CWH43: variants seen among roughly 807,000 people sequenced by gnomAD.
CWH43 encodes PGAP2-interacting protein.
In CWH43, 91 loss-of-function variants were observed where a neutral mutation model predicts 85.7. That is an observed-to-expected ratio of 1.06 (90% confidence interval 0.90 to 1.26). The LOEUF (loss-of-function observed/expected upper bound fraction) is 1.26. CWH43 is among the 50% of genes most tolerant of loss of function. The pLI is 0.00. For missense variants in CWH43, 869 were observed against 839.2 expected, an observed-to-expected ratio of 1.04 and a Z score of -0.44; for synonymous variants, 323 against 293.6, an observed-to-expected ratio of 1.10 and a Z score of -1.02.
intron 12 of CWH43, among the ~76,000 whole-genome samples, chr4:49,034,109 C>T (rs572900164): frequency 6.6e-6 from 1 of 152,158 alleles, no homozygotes; most frequent in South Asian, 2.1e-4. Flanking sequence ...CTCTTGCTTA[C>T]CTCCTTAGAA....
intron 9 of CWH43, among the ~76,000 whole-genome samples, chr4:49,018,021 A>G (rs533580335): frequency 6.6e-6 from 1 of 150,832 alleles, no homozygotes; most frequent in South Asian, 2.1e-4. Context: ...TTTGTATTTT[A>G]GTAGAGACGG....
chr4:49,017,420 T>G (rs1171982841), intron 9 of CWH43, 92 bp downstream of exon 9: 2 of 900,480 alleles, frequency 2.2e-6, no homozygotes, highest in Non-Finnish European at 3.4e-6. Flanking sequence ...AACCTGGATC[T>G]GATGACTTCA....
At chr4:48,987,177 T>C (rs1782521038) in intron 1 of CWH43, among the ~76,000 whole-genome samples, 1 of 152,084 alleles carries the variant, frequency 6.6e-6, no homozygotes, top group South Asian at 2.1e-4. Context: ...GGCGCCTTCC[T>C]GAGAACTTGA....
rs147362118 is a variant in CWH43 at position 49,003,799 on chromosome 4, C to G, written c.867C>G (p.Val289=). The G allele has an allele frequency of 6.1e-4, 977 of 1,613,980 alleles. No homozygotes were observed. The highest frequency in any genetic ancestry group is 7.6e-4 in the Non-Finnish European group (895 of 1,179,914). ...HTWAAAVSGC[V]FAIFTASMWP... ...GGGCAGCTGCTGTGTCTGGCTGTGT[C>G]TTCGCCATCTTTACTGCATCCATGT... The change falls in exon 7 of 16, where the codon GTC becomes GTG. Residue 289 remains valine (V), a synonymous_variant. Coordinates refer to ENST00000226432, the MANE Select transcript of CWH43 (RefSeq NM_025087.3).
At chr4:49,054,818 G>C (rs1279623622) in intron 15 of CWH43, among the ~76,000 whole-genome samples, 3 of 151,920 alleles carry the variant, frequency 2.0e-5, no homozygotes, top group African/African-American at 7.3e-5. Flanking sequence ...GTAGTACATA[G>C]AAATGCTACT....
intron 9 of CWH43, among the ~76,000 whole-genome samples, chr4:49,026,858 A>G (rs1161042010): frequency 1.3e-5 from 2 of 152,170 alleles, no homozygotes; most frequent in Non-Finnish European, 2.9e-5. Flanking sequence ...TGTGTGTCCA[A>G]GTGTCTTCTT....
chr4:48,988,437 A>G (rs759318812), intron 1 of CWH43, 40 bp from the exon 2 acceptor site: 1 of 1,476,658 alleles, frequency 6.8e-7, no homozygotes, highest in Non-Finnish European at 9.1e-7. Flanking sequence ...AACAATGTTG[A>G]AGTTACACTT....
intron 9 of CWH43, among the ~76,000 whole-genome samples, chr4:49,025,219 C>T (rs1450103572): frequency 6.6e-6 from 1 of 151,624 alleles, no homozygotes; most frequent in Non-Finnish European, 1.5e-5. Context: ...TTTATTTATC[C>T]TACCTATTTC....
intron 5 of CWH43, among the ~76,000 whole-genome samples, chr4:48,996,570 CAG>C (rs1481374198): frequency 2.0e-5 from 3 of 152,034 alleles, no homozygotes; most frequent in Admixed American, 6.6e-5. Flanking sequence ...AACAAAAGGC[CAG>C]AGAGGAAGGA....
chr4:48,998,449 C>CT lies in CWH43; in HGVS notation c.714-6dup. On this transcript the variant is annotated splice_polypyrimidine_tract_variant and intron_variant, in intron 5 of 15. Coordinates refer to ENST00000226432, the MANE Select transcript of CWH43 (RefSeq NM_025087.3). ...AATGTCACATGTCTTAGAGCATGTCCTTTTTCACAGAGGTGCAGTACTGCT... is the reference window on the plus strand; with the variant it reads ...AATGTCACATGTCTTAGAGCATGTCCTTTTTTCACAGAGGTGCAGTACTGCT... 1 of 1,605,202 alleles carries CT rather than the reference C, an allele frequency of 6.2e-7. No homozygotes were observed. Among genetic ancestry groups the CT allele is most frequent in the Non-Finnish European group, 8.5e-7 (1 of 1,172,110 alleles).
intron 6 of CWH43, 68 bp downstream of exon 6, chr4:48,998,616 G>T: frequency 8.9e-7 from 1 of 1,121,002 alleles, no homozygotes; most frequent in Non-Finnish European, 1.4e-6. Flanking sequence ...GCAAGCATGC[G>T]CAACTCGACT....
chr4:49,017,038 C>T, intron 8 of CWH43: 1 of 753,590 alleles, frequency 1.3e-6, no homozygotes. Flanking sequence ...GGAGAGCAAA[C>T]CACCTCAGCG....
At chr4:49,014,924 G>A (rs1469367036) in intron 8 of CWH43, among the ~76,000 whole-genome samples, 5 of 151,974 alleles carry the variant, frequency 3.3e-5, no homozygotes, top group Non-Finnish European at 7.4e-5. Flanking sequence ...TTCACTTTTA[G>A]CTTTGTACAG....
intron 2 of CWH43, among the ~76,000 whole-genome samples, chr4:48,989,167 C>T (rs1276272700): frequency 6.6e-6 from 1 of 152,058 alleles, no homozygotes; most frequent in Non-Finnish European, 1.5e-5. Context: ...ACCAACAAAT[C>T]AATAGAAAAG....
At chr4:49,021,840 A>G (rs1371276708) in intron 9 of CWH43, among the ~76,000 whole-genome samples, 1 of 151,646 alleles carries the variant, frequency 6.6e-6, no homozygotes, top group African/African-American at 2.4e-5. Flanking sequence ...TGAATTCTTG[A>G]TTTGATTATC....
At chr4:49,018,839 A>G (rs868604472) in intron 9 of CWH43, among the ~76,000 whole-genome samples, 1 of 152,232 alleles carries the variant, frequency 6.6e-6, no homozygotes, top group South Asian at 2.1e-4. Flanking sequence ...TTGTACTTCC[A>G]GTAACTTACA....
chr4:49,023,605 G>T (rs1442026578), intron 9 of CWH43, among the ~76,000 whole-genome samples: 2 of 152,118 alleles, frequency 1.3e-5, no homozygotes, highest in Non-Finnish European at 2.9e-5. Context: ...TTGAACTCCT[G>T]ACCTCAGGTG....
At chr4:49,046,850 C>A (rs1005850038) in intron 14 of CWH43, among the ~76,000 whole-genome samples, 2 of 152,154 alleles carry the variant, frequency 1.3e-5, no homozygotes, top group African/African-American at 4.8e-5. Context: ...AGTTCTTCCA[C>A]AGAGGGAACA....
intron 8 of CWH43, chr4:49,017,044 C>G (rs1175394768): frequency 1.3e-5 from 10 of 745,980 alleles, no homozygotes; most frequent in Non-Finnish European, 2.2e-5. Context: ...CAAACCACCT[C>G]AGCGTCGGCT....
Sources: gnomAD v4.1 joint callset for allele counts (sites outside exome capture counted in the v4.1 genomes callset) on GRCh38, gnomAD v4.1.1 for gene constraint, MANE v1.5 for transcripts, NCBI Gene and HGNC (gene_info 2026-07-23, HGNC 2026-07-21) for gene names.